EPHA5: variants seen among roughly 807,000 people sequenced by gnomAD.
EPHA5 encodes EPH receptor A5.
EPHA5 carries 60 observed loss-of-function variants against 105.0 expected under a neutral mutation model. The ratio of observed to expected loss-of-function variants is 0.57; its 90% CI spans 0.46 to 0.71. The LOEUF (loss-of-function observed/expected upper bound fraction) is 0.71. EPHA5 is among the 30% of genes least tolerant of loss of function. The probability of loss-of-function intolerance (pLI) is 0.00; values close to 1 mark genes in which losing one functional copy is unlikely to be tolerated. For synonymous variants in EPHA5, 513 were observed against 449.1 expected (o/e 1.14, Z -1.80); for missense variants, 1,218 against 1,274.7 (o/e 0.96, Z 0.68).
At chr4:65,651,762 T>G (rs932186709) in intron 1 of EPHA5, among the ~76,000 whole-genome samples, 2 of 152,180 alleles carry the variant, frequency 1.3e-5, no homozygotes, top group Non-Finnish European at 2.9e-5. Flanking sequence ...ATGACTATGA[T>G]GGAAGCAAAA....
chr4:65,558,399 G>A (rs1234927202), intron 3 of EPHA5, among the ~76,000 whole-genome samples: 1 of 151,994 alleles, frequency 6.6e-6, no homozygotes, highest in Non-Finnish European at 1.5e-5. Context: ...AATATCATTA[G>A]GGTATTTCAT....
intron 2 of EPHA5, among the ~76,000 whole-genome samples, chr4:65,606,341 C>T (rs987277828): frequency 9.9e-5 from 15 of 152,090 alleles, no homozygotes; most frequent in Admixed American, 5.2e-4. Flanking sequence ...ATACATATAA[C>T]TTCTTAATTC....
At chr4:65,358,684 T>A (rs1723539209) in intron 11 of EPHA5, among the ~76,000 whole-genome samples, 1 of 151,590 alleles carries the variant, frequency 6.6e-6, no homozygotes, top group Admixed American at 6.6e-5. Flanking sequence ...GATATTTTAA[T>A]TTTATTATGG....
At chr4:65,482,571 A>C (rs1730481493) in intron 5 of EPHA5, among the ~76,000 whole-genome samples, 1 of 152,172 alleles carries the variant, frequency 6.6e-6, no homozygotes. Context: ...GGTAAAAAAC[A>C]CAGTACTCTA....
chr4:65,469,360 T>A (rs1310953543), intron 5 of EPHA5, among the ~76,000 whole-genome samples: 2 of 152,196 alleles, frequency 1.3e-5, no homozygotes, highest in African/African-American at 2.4e-5. Flanking sequence ...TTTAAATCTC[T>A]GGCCTATTAA....
chr4:65,598,910 T>C (rs1216964427), intron 3 of EPHA5, among the ~76,000 whole-genome samples: 1 of 152,096 alleles, frequency 6.6e-6, no homozygotes, highest in African/African-American at 2.4e-5. Context: ...AGCCTCTTAA[T>C]GATAAAACTT....
At chr4:65,332,790 C>T (rs184759512) in intron 15 of EPHA5, among the ~76,000 whole-genome samples, 18 of 151,972 alleles carry the variant, frequency 1.2e-4, no homozygotes, top group Admixed American at 5.9e-4. Context: ...AAGAAAAATG[C>T]TACCCACTAT....
chr4:65,436,963 A>C (rs1167962252), intron 5 of EPHA5, among the ~76,000 whole-genome samples: 4 of 152,042 alleles, frequency 2.6e-5, no homozygotes, highest in Admixed American at 2.0e-4. Flanking sequence ...GGAAGAAAAG[A>C]ATCCTCTTTC....
rs572130653 is a variant in EPHA5 at position 65,549,773 on chromosome 4, A to G, written c.910+51868T>C. Among the ~76,000 whole-genome samples, 385 of 152,246 alleles carry G rather than the reference A, an allele frequency of 2.5e-3. 1 individual carries two copies. The highest frequency in any genetic ancestry group is 8.4e-3 in the African/African-American group (350 of 41,574). On this transcript the variant is annotated intron_variant, in intron 3 of 16. Coordinates refer to ENST00000613740, the MANE Select transcript of EPHA5 (RefSeq NM_001281766.3). ...GATTTTTTAAAATTCATCTTCACATAGAAAAATTTCTGTTAAAGTTTAAAG... is the reference window on the plus strand; with the variant it reads ...GATTTTTTAAAATTCATCTTCACATGGAAAAATTTCTGTTAAAGTTTAAAG...
chr4:65,325,868 G>C (rs1488715482), intron 16 of EPHA5, among the ~76,000 whole-genome samples: 1 of 150,510 alleles, frequency 6.6e-6, no homozygotes, highest in African/African-American at 2.4e-5. Flanking sequence ...TAGAATATTC[G>C]GCTGCATCCT....
chr4:65,668,684 C>T (rs533061461), intron 1 of EPHA5, among the ~76,000 whole-genome samples: 1 of 152,128 alleles, frequency 6.6e-6, no homozygotes, highest in South Asian at 2.1e-4. Flanking sequence ...CTCTACTCTC[C>T]CAGAAAAAGG....
intron 5 of EPHA5, among the ~76,000 whole-genome samples, chr4:65,431,033 C>A (rs771630107): frequency 2.0e-5 from 3 of 152,224 alleles, no homozygotes; most frequent in Admixed American, 6.5e-5. Flanking sequence ...TACCATGATG[C>A]ATTTATGTAA....
At chr4:65,413,039 T>C (rs927678528) in intron 7 of EPHA5, among the ~76,000 whole-genome samples, 1 of 152,164 alleles carries the variant, frequency 6.6e-6, no homozygotes, top group Admixed American at 6.6e-5. Flanking sequence ...CAAGTCTTGT[T>C]AAGATGGCTA....
intron 16 of EPHA5, among the ~76,000 whole-genome samples, chr4:65,328,072 A>C (rs912399724): frequency 5.3e-5 from 8 of 151,178 alleles, no homozygotes; most frequent in Non-Finnish European, 1.2e-4. Context: ...ACAATGTCTT[A>C]AGTATGTTCC....
chr4:65,601,553 G>T lies in EPHA5; in HGVS notation c.910+88C>A. ...TCTCCATAAATTAGCAAAGTAAAAG[G>T]TCATTTCCTCATAATCATTGGAGGA... On this transcript the variant is annotated intron_variant, in intron 3 of 16. Coordinates refer to ENST00000613740, the MANE Select transcript of EPHA5 (RefSeq NM_001281766.3). 6 of 1,256,128 alleles carry T rather than the reference G, an allele frequency of 4.8e-6. No individual in the cohort carries two copies. In the South Asian group the frequency reaches 7.5e-5, roughly 16 times the overall value. 77.8% of individuals were successfully genotyped at this position (1,256,128 alleles called of 1,614,324 possible). A position where few individuals can be genotyped will look rare whatever the true frequency, so the allele number is the denominator to read the frequency against.
At chr4:65,504,206 G>C (rs2149246771) in intron 3 of EPHA5, among the ~76,000 whole-genome samples, 1 of 151,276 alleles carries the variant, frequency 6.6e-6, no homozygotes, top group South Asian at 2.1e-4. Context: ...TTCAGAGAAA[G>C]AGATTATTAC....
At chr4:65,346,335 C>T (rs1242903649) in intron 14 of EPHA5, among the ~76,000 whole-genome samples, 1 of 151,834 alleles carries the variant, frequency 6.6e-6, no homozygotes, top group Admixed American at 6.6e-5. Flanking sequence ...GTGCATTTTT[C>T]AACACATAAA....
At chr4:65,647,327 T>TA (rs1748202613) in intron 1 of EPHA5, among the ~76,000 whole-genome samples, 1 of 42,936 alleles carries the variant, frequency 2.3e-5, no homozygotes, top group Non-Finnish European at 4.0e-5. Context: ...AGACTCTGTC[T>TA]CAAAAAAAAA....
chr4:65,414,590 A>G, intron 6 of EPHA5, 147 bp from the exon 7 acceptor site: 2 of 843,874 alleles, frequency 2.4e-6, no homozygotes, highest in Non-Finnish European at 3.6e-6. Flanking sequence ...AATCCTACAC[A>G]TCCTAGGTGT....
Sources: gnomAD v4.1 joint callset for allele counts (sites outside exome capture counted in the v4.1 genomes callset) on GRCh38, gnomAD v4.1.1 for gene constraint, MANE v1.5 for transcripts, NCBI Gene and HGNC (gene_info 2026-07-23, HGNC 2026-07-21) for gene names.